MANBA: variants seen among roughly 807,000 people sequenced by gnomAD.
MANBA encodes beta-mannosidase.
In MANBA, 83 loss-of-function variants were observed where a neutral mutation model predicts 111.1. The ratio of observed to expected loss-of-function variants is 0.75; its 90% CI spans 0.63 to 0.90. MANBA has a LOEUF of 0.90. Ranked by LOEUF, MANBA falls within the 40% of genes least tolerant of loss-of-function variation. MANBA has a pLI of 0.00. For missense variants in MANBA, 1,036 were observed against 1,069.0 expected, an observed-to-expected ratio of 0.97 and a Z score of 0.43; for synonymous variants, 370 against 378.7, an observed-to-expected ratio of 0.98 and a Z score of 0.27.
chr4:102,719,927 C>A (rs1370570288), intron 4 of MANBA, among the ~76,000 whole-genome samples: 2 of 152,130 alleles, frequency 1.3e-5, no homozygotes, highest in Non-Finnish European at 2.9e-5. Context: ...ATTGTGATAG[C>A]AGAAAACTGG....
chr4:102,659,774 T>G (rs563005536), intron 11 of MANBA, among the ~76,000 whole-genome samples: 1 of 152,282 alleles, frequency 6.6e-6, no homozygotes, highest in Non-Finnish European at 1.5e-5. Context: ...TGTCCCCACT[T>G]ATTCCCTCTC....
intron 1 of MANBA, among the ~76,000 whole-genome samples, chr4:102,739,523 C>A (rs532104783): frequency 4.1e-4 from 63 of 152,314 alleles, no homozygotes; most frequent in African/African-American, 1.4e-3. Flanking sequence ...ACCAATATCC[C>A]TGATGAGCAT....
chr4:102,693,717 G>A (rs189592753), intron 5 of MANBA, among the ~76,000 whole-genome samples: 1 of 152,254 alleles, frequency 6.6e-6, no homozygotes, highest in East Asian at 1.9e-4. Flanking sequence ...GTAGAGTTGA[G>A]TAGTTGTGAC....
intron 5 of MANBA, among the ~76,000 whole-genome samples, chr4:102,704,828 A>G (rs1733226758): frequency 6.6e-6 from 1 of 152,206 alleles, no homozygotes; most frequent in Non-Finnish European, 1.5e-5. Flanking sequence ...AAACAACCAA[A>G]TTGATAACTA....
chr4:102,676,123 T>C (rs1374783701), intron 7 of MANBA, among the ~76,000 whole-genome samples: 2 of 152,154 alleles, frequency 1.3e-5, no homozygotes, highest in African/African-American at 2.4e-5. Flanking sequence ...AAATTATGAA[T>C]AAGAAGTGAA....
intron 8 of MANBA, 111 bp downstream of exon 8, chr4:102,673,808 C>CG: frequency 1.0e-6 from 1 of 971,602 alleles, no homozygotes; most frequent in Non-Finnish European, 1.6e-6. Flanking sequence ...GAATTCTATA[C>CG]TACCTCTTAG....
At chr4:102,744,367 A>G (rs1190684228) in intron 1 of MANBA, among the ~76,000 whole-genome samples, 2 of 152,242 alleles carry the variant, frequency 1.3e-5, no homozygotes, top group African/African-American at 4.8e-5. Context: ...GGATCCAATC[A>G]GCATAATGTC....
intron 4 of MANBA, chr4:102,722,532 T>C (rs1423808258): frequency 3.3e-6 from 1 of 303,118 alleles, no homozygotes; most frequent in Non-Finnish European, 6.4e-6. Flanking sequence ...GAAACAAGAA[T>C]CACTAATACA....
intron 1 of MANBA, among the ~76,000 whole-genome samples, chr4:102,742,929 C>T (rs1394036561): frequency 7.2e-6 from 1 of 138,702 alleles, no homozygotes; most frequent in African/African-American, 2.7e-5. Context: ...CTCAGCAGTG[C>T]CGTGGCCAGG....
intron 14 of MANBA, among the ~76,000 whole-genome samples, chr4:102,638,171 C>T (rs1729710968): frequency 1.3e-5 from 2 of 152,080 alleles, no homozygotes; most frequent in African/African-American, 4.8e-5. Flanking sequence ...TGCCTGTAAT[C>T]CCAACACTTT....
intron 13 of MANBA, among the ~76,000 whole-genome samples, chr4:102,648,154 T>C (rs1457836492): frequency 2.6e-5 from 4 of 152,082 alleles, no homozygotes; most frequent in African/African-American, 4.8e-5. Flanking sequence ...GAAACCATTA[T>C]CCAAAATTCA....
chr4:102,637,641 A>C (rs1264962808), intron 14 of MANBA, among the ~76,000 whole-genome samples: 1 of 152,234 alleles, frequency 6.6e-6, no homozygotes, highest in African/African-American at 2.4e-5. Flanking sequence ...AGAAAGAGGA[A>C]CAAGTATTCA....
intron 12 of MANBA, among the ~76,000 whole-genome samples, 158 bp downstream of exon 12, chr4:102,657,523 TC>T (rs1388420906): frequency 6.6e-6 from 1 of 152,098 alleles, no homozygotes; most frequent in Non-Finnish European, 1.5e-5. Flanking sequence ...AGAAAAGTAA[TC>T]CCCAAAGGTT....
intron 5 of MANBA, 85 bp from the exon 6 acceptor site, chr4:102,690,856 G>GCTGCTTTAGTATTACCTTCAAT: frequency 1.9e-6 from 1 of 513,994 alleles, no homozygotes; most frequent in Non-Finnish European, 2.8e-6. Context: ...ATTCATTGAA[G>GCTGCTTTAGTATTACCTTCAAT]GTAAGACTAA....
intron 14 of MANBA, among the ~76,000 whole-genome samples, chr4:102,636,593 T>G (rs1167104743): frequency 6.6e-6 from 1 of 152,186 alleles, no homozygotes; most frequent in African/African-American, 2.4e-5. Context: ...ATACCTCCCC[T>G]ACTGCACGCA....
rs552525182 is a variant in MANBA, at chr4:102,688,679, T to C, written c.960+895A>G. On this transcript the variant is annotated intron_variant, in intron 7 of 16. Transcript: ENST00000647097. ...CCAGATCCAAGCCATCTCGTTCTTA[T>C]TGTCCCTATTTTACATATTTTGAGA... Among the ~76,000 whole-genome samples the C allele has an allele frequency of 1.4e-4, 22 of 152,322 alleles. No homozygotes were observed. The South Asian group carries it at 4.6e-3, about 32-fold the overall frequency.
Position 102,635,159 on chromosome 4 carries a change from T to C in MANBA, c.2158-114A>G, listed in dbSNP as rs909349. The C allele has an allele frequency of 0.52, 617,217 of 1,185,184 alleles. 163,663 individuals carry two copies. Among genetic ancestry groups the C allele is most frequent in the Admixed American group, 0.68 (34,550 of 50,480 alleles). 73.4% of individuals were successfully genotyped at this position (1,185,184 alleles called of 1,614,324 possible). ...GTTAGCAGAAATGGTTAAGAGACTATGAAACCTGAGTTTTAATCCCAGTCC... is the reference window on the plus strand; with the variant it reads ...GTTAGCAGAAATGGTTAAGAGACTACGAAACCTGAGTTTTAATCCCAGTCC... On this transcript the variant is annotated intron_variant, in intron 15 of 16. Coordinates refer to ENST00000647097, the MANE Select transcript of MANBA (RefSeq NM_005908.4).
intron 7 of MANBA, among the ~76,000 whole-genome samples, chr4:102,679,236 C>T (rs994886930): frequency 1.3e-5 from 2 of 152,040 alleles, no homozygotes; most frequent in Non-Finnish European, 2.9e-5. Context: ...AACAGATTAA[C>T]ATTGACATCG....
rs55757523 is a variant in MANBA, at chr4:102,717,444, G to A, written c.550-2883C>T. 9.0e-3 allele frequency among the ~76,000 whole-genome samples: 1,280 copies of A among 142,102 alleles called. 24 individuals are homozygous for A. The highest frequency in any genetic ancestry group is 0.032 in the African/African-American group (1,215 of 37,936). 93.2% of individuals were successfully genotyped at this position (142,102 alleles called of 152,430 possible). A position where few individuals can be genotyped will look rare whatever the true frequency, so the allele number is the denominator to read the frequency against. The stretch of plus-strand genomic sequence containing the variant: ...AGGAACTTTTTTTTTTTTTTTTTGA[G>A]ATGTCTCACTCTGTCACCCAGGCTG... On this transcript the variant is annotated intron_variant, in intron 4 of 16. Transcript: ENST00000647097.
Sources: gnomAD v4.1 joint callset for allele counts (sites outside exome capture counted in the v4.1 genomes callset) on GRCh38, gnomAD v4.1.1 for gene constraint, MANE v1.5 for transcripts, NCBI Gene and HGNC (gene_info 2026-07-23, HGNC 2026-07-21) for gene names.